The following UBE2R2 variants were observed in gnomAD, a reference collection of about 807,000 sequenced individuals.
UBE2R2 encodes ubiquitin conjugating enzyme E2 R2, also known as ubiquitin-conjugating enzyme E2 R2.
A neutral mutation model predicts 27.8 loss-of-function variants in UBE2R2; 1 was observed. That is an observed-to-expected ratio of 0.04 (90% CI 0.01 to 0.17). UBE2R2 has a LOEUF of 0.17. UBE2R2 is among the 10% of genes least tolerant of loss of function. The pLI is 1.00. For synonymous variants in UBE2R2, 106 were observed against 113.3 expected, an observed-to-expected ratio of 0.94 and a Z score of 0.41; for missense variants, 100 against 291.0, an observed-to-expected ratio of 0.34 and a Z score of 4.78.
intron 3 of UBE2R2, among the ~76,000 whole-genome samples, chr9:33,901,041 G>C (rs1031029205): frequency 6.6e-6 from 1 of 151,996 alleles, no homozygotes; most frequent in African/African-American, 2.4e-5. Flanking sequence ...CTGCAGCCTC[G>C]ACCTCCTGGG....
At chr9:33,909,006 T>TTAAATAAA (rs138047093) in intron 3 of UBE2R2, among the ~76,000 whole-genome samples, 50,573 of 150,056 alleles carry the variant, frequency 0.34, 8,847 homozygotes, top group South Asian at 0.43. Flanking sequence ...GACCCTGTCT[T>TTAAATAAA]TAAATAAATA....
intron 1 of UBE2R2, among the ~76,000 whole-genome samples, chr9:33,882,032 A>G (rs1009735546): frequency 2.6e-5 from 4 of 152,136 alleles, no homozygotes; most frequent in African/African-American, 9.7e-5. Context: ...ACTCATTTAT[A>G]TTTATTTCAT....
At chr9:33,886,820 T>C in intron 1 of UBE2R2, 61 bp from the exon 2 acceptor site, 1 of 1,388,648 alleles carries the variant, frequency 7.2e-7, no homozygotes, top group South Asian at 1.3e-5. Flanking sequence ...TAGGGTGAAT[T>C]ATTAGGCAGA....
chr9:33,871,278 T>C (rs1426849362), intron 1 of UBE2R2, among the ~76,000 whole-genome samples: 2 of 152,248 alleles, frequency 1.3e-5, no homozygotes, highest in African/African-American at 2.4e-5. Context: ...TATTGGTACA[T>C]GGTAACATGT....
chr9:33,849,369 A>G (rs1290608363), intron 1 of UBE2R2, among the ~76,000 whole-genome samples: 2 of 152,206 alleles, frequency 1.3e-5, no homozygotes, highest in Non-Finnish European at 2.9e-5. Context: ...GTATATACAC[A>G]AACATATATA....
At position 33,919,773 on chromosome 9, in the gene UBE2R2, C is replaced by T. The variant is rs191557471; in HGVS notation, c.*2536C>T. On this transcript the variant is annotated 3_prime_UTR_variant, in exon 5 of 5. Transcript: ENST00000263228. ...TGGAGGTCTCAGGCTCAATCCGGAA[C>T]CATGTACGTACAGTTTTGCTTATTA... 1 of 152,150 alleles carries T rather than the reference C, an allele frequency of 6.6e-6. No individual in the cohort carries two copies. Among genetic ancestry groups the T allele is most frequent in the Non-Finnish European group, 1.5e-5 (1 of 68,010 alleles). The allele number at this position is 152,150 out of a possible 1,614,324, so 9.4% of individuals were successfully genotyped here.
rs534384348 is a variant in UBE2R2, at chr9:33,873,914, G to T, written c.178-12967G>T. Among the ~76,000 whole-genome samples the T allele has an allele frequency of 2.5e-4, 38 of 151,004 alleles. No homozygotes were observed. The East Asian group carries it at 7.1e-3, about 28-fold the overall frequency. On this transcript the variant is annotated intron_variant, in intron 1 of 4. Coordinates refer to ENST00000263228, the MANE Select transcript of UBE2R2 (RefSeq NM_017811.4). ...TGCCTTGGCCTCCCAAAGTGCTAGGGTTTCAGGCATGAACCAGCCACTGTG... is the reference window on the plus strand; with the variant it reads ...TGCCTTGGCCTCCCAAAGTGCTAGGTTTTCAGGCATGAACCAGCCACTGTG...
intron 1 of UBE2R2, among the ~76,000 whole-genome samples, chr9:33,822,605 T>C (rs540328993): frequency 6.6e-6 from 1 of 150,974 alleles, no homozygotes; most frequent in Admixed American, 6.6e-5. Context: ...AAAAAAAAAA[T>C]TGTTTATGCA....
intron 2 of UBE2R2, among the ~76,000 whole-genome samples, chr9:33,897,775 CTT>C (rs35277355): frequency 5.5e-5 from 7 of 127,956 alleles, no homozygotes; most frequent in Non-Finnish European, 8.1e-5. Flanking sequence ...TTTCTTTTTT[CTT>C]TTTTTTTTTT....
chr9:33,911,194 AG>A (rs1822477674), intron 3 of UBE2R2, among the ~76,000 whole-genome samples: 1 of 151,936 alleles, frequency 6.6e-6, no homozygotes, highest in South Asian at 2.1e-4. Context: ...GGATCACCTG[AG>A]GTCAGGAGTT....
At position 33,823,404 on chromosome 9, in the gene UBE2R2, C is replaced by G. The variant is rs1304870322; in HGVS notation, c.177+5470C>G. Among the ~76,000 whole-genome samples the G allele has an allele frequency of 2.6e-5, 4 of 151,742 alleles. No homozygotes were observed. In the East Asian group the frequency reaches 5.8e-4, roughly 22 times the overall value. ...AATTTTTTTTTTTCCTAGATGGAGTCTTGCTCTGTTGCGCAGGCTGAAGTG... is the reference window on the plus strand; with the variant it reads ...AATTTTTTTTTTTCCTAGATGGAGTGTTGCTCTGTTGCGCAGGCTGAAGTG... On this transcript the variant is annotated intron_variant, in intron 1 of 4. Coordinates refer to ENST00000263228, the MANE Select transcript of UBE2R2 (RefSeq NM_017811.4).
chr9:33,884,392 T>C (rs1821810163), intron 1 of UBE2R2, among the ~76,000 whole-genome samples: 1 of 150,396 alleles, frequency 6.6e-6, no homozygotes, highest in Admixed American at 6.7e-5. Flanking sequence ...CAAGTGATCC[T>C]CCCACCTCAG....
At chr9:33,866,676 A>G (rs1451426753) in intron 1 of UBE2R2, among the ~76,000 whole-genome samples, 1 of 152,224 alleles carries the variant, frequency 6.6e-6, no homozygotes, top group East Asian at 1.9e-4. Flanking sequence ...TGCCAGTACT[A>G]CAAGAAGCCC....
intron 1 of UBE2R2, among the ~76,000 whole-genome samples, chr9:33,833,553 A>G (rs1210788460): frequency 6.6e-6 from 1 of 152,198 alleles, no homozygotes; most frequent in East Asian, 1.9e-4. Flanking sequence ...TGTTCTAAGT[A>G]ATGGAAGATT....
In UBE2R2 at chr9:33,849,863, G is replaced by C. The variant is rs367866243; in HGVS notation, c.177+31929G>C. Among the ~76,000 whole-genome samples the C allele has an allele frequency of 1.2e-4, 19 of 152,064 alleles. 2 individuals carry two copies. The highest frequency in any genetic ancestry group is 4.3e-4 in the African/African-American group (18 of 41,476). On this transcript the variant is annotated intron_variant, in intron 1 of 4. Transcript: ENST00000263228. ...GGCAACAGAACCAGACCCCCTCTTT[G>C]TATTTCTTACACCAACCCAATGAGA...
At chr9:33,824,013 T>C (rs1004960479) in intron 1 of UBE2R2, among the ~76,000 whole-genome samples, 2 of 152,190 alleles carry the variant, frequency 1.3e-5, no homozygotes, top group Non-Finnish European at 2.9e-5. Flanking sequence ...GGTAACGTTA[T>C]AAATGGAAAC....
chr9:33,883,411 C>G (rs889620155), intron 1 of UBE2R2, among the ~76,000 whole-genome samples: 12 of 152,020 alleles, frequency 7.9e-5, no homozygotes, highest in Admixed American at 4.6e-4. Context: ...CACTACTCCC[C>G]CTTAAAAGAA....
intron 1 of UBE2R2, among the ~76,000 whole-genome samples, chr9:33,847,309 C>T (rs894315759): frequency 1.3e-5 from 2 of 152,086 alleles, no homozygotes; most frequent in Non-Finnish European, 2.9e-5. Context: ...GTTGGCCAGG[C>T]TGGTCTTGAA....
chr9:33,907,473 C>CT (rs1822378600), intron 3 of UBE2R2, among the ~76,000 whole-genome samples: 1 of 152,158 alleles, frequency 6.6e-6, no homozygotes, highest in South Asian at 2.1e-4. Context: ...ACTAAGAACT[C>CT]TCTGGCCCTC....
Sources: allele counts gnomAD v4.1 joint callset (sites outside exome capture counted in the v4.1 genomes callset), GRCh38; gene constraint gnomAD v4.1.1; transcripts MANE v1.5; gene names NCBI Gene and HGNC (gene_info 2026-07-23, HGNC 2026-07-21).